Variants in PACSIN2 observed in about 807,000 individuals in gnomAD.
PACSIN2 encodes the protein protein kinase C and casein kinase substrate in neurons 2.
In PACSIN2, 25 loss-of-function variants were observed where a neutral mutation model predicts 63.8. The observed-to-expected ratio is 0.39, with a 90% CI of 0.29 to 0.55. The LOEUF is 0.55. PACSIN2 is among the 20% of genes least tolerant of loss of function. The pLI, the probability that PACSIN2 is intolerant of heterozygous loss-of-function variation, is 0.62. For missense variants in PACSIN2, 518 were observed against 646.9 expected, an observed-to-expected ratio of 0.80 and a Z score of 2.16; for synonymous variants, 255 against 256.2, an observed-to-expected ratio of 1.00 and a Z score of 0.05.
chr22:42,921,004 C>T (rs377120168), intron 1 of PACSIN2, among the ~76,000 whole-genome samples: 1 of 151,776 alleles, frequency 6.6e-6, no homozygotes, highest in Non-Finnish European at 1.5e-5. Context: ...TCGTATTGCC[C>T]AAGCTGGTCT....
chr22:42,918,696 C>T (rs1404255131), intron 1 of PACSIN2, among the ~76,000 whole-genome samples: 1 of 152,118 alleles, frequency 6.6e-6, no homozygotes, highest in Non-Finnish European at 1.5e-5. Flanking sequence ...TCTCTGGCAG[C>T]GAAAAGAAGA....
At chr22:42,923,188 A>G (rs1051345947) in intron 1 of PACSIN2, among the ~76,000 whole-genome samples, 2 of 152,234 alleles carry the variant, frequency 1.3e-5, no homozygotes, top group Non-Finnish European at 2.9e-5. Flanking sequence ...TATTCATTTC[A>G]TAATTGGCCG....
At chr22:43,001,318 A>G (rs1268287924) in intron 1 of PACSIN2, among the ~76,000 whole-genome samples, 1 of 152,094 alleles carries the variant, frequency 6.6e-6, no homozygotes, top group African/African-American at 2.4e-5. Context: ...CCCTGCCAGA[A>G]CCTTCACCAC....
chr22:42,997,859 C>G (rs551960675), intron 1 of PACSIN2, among the ~76,000 whole-genome samples: 2 of 152,074 alleles, frequency 1.3e-5, no homozygotes, highest in Admixed American at 6.6e-5. Flanking sequence ...CCAGCCTGGG[C>G]GACAGGGCAA....
chr22:42,983,025 A>G (rs1435559656), intron 1 of PACSIN2, among the ~76,000 whole-genome samples: 3 of 152,094 alleles, frequency 2.0e-5, no homozygotes, highest in Non-Finnish European at 4.4e-5. Flanking sequence ...TACTAAAAAT[A>G]CAAAAATTAG....
intron 1 of PACSIN2, among the ~76,000 whole-genome samples, chr22:42,952,109 C>G (rs1182884075): frequency 6.6e-6 from 1 of 152,212 alleles, no homozygotes; most frequent in African/African-American, 2.4e-5. Flanking sequence ...GCCAAATTAT[C>G]TTTTCTCTCT....
intron 1 of PACSIN2, among the ~76,000 whole-genome samples, chr22:42,950,296 T>C (rs897085480): frequency 9.9e-5 from 15 of 151,848 alleles, no homozygotes; most frequent in Non-Finnish European, 1.8e-4. Flanking sequence ...CGAGCATCCA[T>C]GGATTTTGGT....
chr22:42,914,583 T>C (rs978180101), intron 1 of PACSIN2, among the ~76,000 whole-genome samples: 1 of 152,162 alleles, frequency 6.6e-6, no homozygotes, highest in Non-Finnish European at 1.5e-5. Flanking sequence ...CACCCCATGT[T>C]TCAGCAGGAG....
chr22:42,914,908 C>T (rs1456358326), intron 1 of PACSIN2, among the ~76,000 whole-genome samples: 1 of 152,218 alleles, frequency 6.6e-6, no homozygotes, highest in African/African-American at 2.4e-5. Flanking sequence ...GTCATCCAAG[C>T]TGGAGTGCAG....
chr22:42,884,620 C>A, intron 5 of PACSIN2, 59 bp from the exon 6 acceptor site: 1 of 1,452,442 alleles, frequency 6.9e-7, no homozygotes. Context: ...TTGGCTCACC[C>A]TGCCCCTGGA....
chr22:42,989,498 C>T (rs1481363636), intron 1 of PACSIN2, among the ~76,000 whole-genome samples: 2 of 97,772 alleles, frequency 2.0e-5, no homozygotes, highest in Non-Finnish European at 4.1e-5. Context: ...AACTCCATCC[C>T]CCTCAAAAAA....
At chr22:42,888,515 G>T (rs1929655942) in intron 5 of PACSIN2, 128 bp downstream of exon 5, 3 of 876,304 alleles carry the variant, frequency 3.4e-6, no homozygotes, top group Non-Finnish European at 5.4e-6. Flanking sequence ...GAGGACAGGG[G>T]TGTGTTTTAT....
chr22:42,951,847 T>C (rs529844625), intron 1 of PACSIN2, among the ~76,000 whole-genome samples: 103 of 148,358 alleles, frequency 6.9e-4, no homozygotes, highest in South Asian at 1.9e-3. Flanking sequence ...CCAGTCTCGC[T>C]CCTTCCAATC....
At chr22:42,973,739 G>C (rs1309424153) in intron 1 of PACSIN2, among the ~76,000 whole-genome samples, 1 of 152,172 alleles carries the variant, frequency 6.6e-6, no homozygotes, top group Non-Finnish European at 1.5e-5. Flanking sequence ...CTACACTCCA[G>C]TCTTAGGCCT....
chr22:42,964,822 C>G (rs979984286), intron 1 of PACSIN2, among the ~76,000 whole-genome samples: 3 of 152,004 alleles, frequency 2.0e-5, no homozygotes, highest in Non-Finnish European at 4.4e-5. Flanking sequence ...CACCGAGATC[C>G]TACAGGCTGG....
At chr22:42,873,526 C>T (rs1412946974) in intron 10 of PACSIN2, among the ~76,000 whole-genome samples, 1 of 152,238 alleles carries the variant, frequency 6.6e-6, no homozygotes, top group Non-Finnish European at 1.5e-5. Context: ...GGCCATTGGG[C>T]ACAGCCCCCA....
chr22:43,004,846 G>T (rs982900244), intron 1 of PACSIN2, among the ~76,000 whole-genome samples: 10 of 152,208 alleles, frequency 6.6e-5, no homozygotes, highest in Admixed American at 6.5e-4. Flanking sequence ...CCCATATGGG[G>T]TCCTGGCAGG....
intron 1 of PACSIN2, among the ~76,000 whole-genome samples, chr22:42,916,546 C>A (rs117292628): frequency 0.022 from 3,287 of 152,212 alleles, 43 homozygotes; most frequent in Admixed American, 0.03. Context: ...CCTCACCCCT[C>A]CCACGGCACG....
intron 1 of PACSIN2, among the ~76,000 whole-genome samples, chr22:42,929,148 C>A (rs1932714706): frequency 1.3e-5 from 2 of 152,258 alleles, no homozygotes; most frequent in Non-Finnish European, 2.9e-5. Context: ...TGCAACTATA[C>A]TCACCAGGAC....
Sources: allele counts gnomAD v4.1 joint callset (sites outside exome capture counted in the v4.1 genomes callset), GRCh38; gene constraint gnomAD v4.1.1; transcripts MANE v1.5; gene names NCBI Gene and HGNC (gene_info 2026-07-23, HGNC 2026-07-21).